TDRP: variants seen among roughly 807,000 people sequenced by gnomAD.
TDRP encodes the protein testis development-related protein.
A neutral mutation model predicts 10.5 loss-of-function variants in TDRP; 12 were observed. The ratio of observed to expected loss-of-function variants is 1.15; its 90% CI spans 0.73 to 1.86. The LOEUF is 1.86. TDRP is among the 40% of genes most tolerant of loss of function. TDRP has a pLI of 0.00. For synonymous variants in TDRP, 139 were observed against 95.4 expected, an observed-to-expected ratio of 1.46 and a Z score of -2.67; for missense variants, 353 against 229.2, an observed-to-expected ratio of 1.54 and a Z score of -3.49.
intron 1 of TDRP, among the ~76,000 whole-genome samples, chr8:519,300 C>G (rs938708741): frequency 6.6e-6 from 1 of 152,082 alleles, no homozygotes; most frequent in African/African-American, 2.4e-5. Context: ...GCTGTTCCTC[C>G]GCTGTATCCT....
At chr8:533,357 A>ACT (rs1295288152) in intron 1 of TDRP, among the ~76,000 whole-genome samples, 1 of 152,138 alleles carries the variant, frequency 6.6e-6, no homozygotes, top group African/African-American at 2.4e-5. Flanking sequence ...GTTCCTTGCG[A>ACT]CTGTCAGGGC....
intron 1 of TDRP, among the ~76,000 whole-genome samples, chr8:517,529 G>C (rs1362597936): frequency 6.6e-6 from 1 of 152,156 alleles, no homozygotes; most frequent in African/African-American, 2.4e-5. Context: ...TCTGACTTCA[G>C]GCAGAGCTTA....
At chr8:515,402 T>A (rs1311696032) in intron 1 of TDRP, among the ~76,000 whole-genome samples, 1 of 152,242 alleles carries the variant, frequency 6.6e-6, no homozygotes, top group Non-Finnish European at 1.5e-5. Flanking sequence ...TCTGAGATGC[T>A]TGGAACCAGA....
At chr8:521,396 A>AAG (rs35450526) in intron 1 of TDRP, among the ~76,000 whole-genome samples, 84,494 of 151,036 alleles carry the variant, frequency 0.56, 24,648 homozygotes, top group Admixed American at 0.65. Context: ...CAGCCTGGGC[A>AAG]AGAGAGAGAG....
chr8:544,157 G>A (rs1219992699), intron 1 of TDRP, among the ~76,000 whole-genome samples: 2 of 152,088 alleles, frequency 1.3e-5, no homozygotes, highest in African/African-American at 2.4e-5. Flanking sequence ...ATTGAGCTAC[G>A]GTCGTCCAAA....
chr8:541,252 G>T (rs1484428185), intron 1 of TDRP, among the ~76,000 whole-genome samples: 4 of 152,216 alleles, frequency 2.6e-5, no homozygotes, highest in African/African-American at 9.6e-5. Context: ...TTTTTATATA[G>T]CAATGTTTTT....
intron 1 of TDRP, among the ~76,000 whole-genome samples, chr8:497,598 T>G (rs1041952198): frequency 6.6e-6 from 1 of 152,198 alleles, no homozygotes; most frequent in South Asian, 2.1e-4. Context: ...CTGCAAATGG[T>G]AGAAAAGAAA....
upstream of TDRP, chr8:544,967 C>G: frequency 5.9e-6 from 2 of 341,474 alleles, no homozygotes; most frequent in Non-Finnish European, 1.0e-5. Flanking sequence ...GGCCCGCCCC[C>G]AAACCATCCC....
chr8:520,803 T>A (rs774786419), intron 1 of TDRP, among the ~76,000 whole-genome samples: 2 of 152,246 alleles, frequency 1.3e-5, no homozygotes, highest in African/African-American at 2.4e-5. Context: ...TTGTTGTTGT[T>A]TGGTCATAGG....
At chr8:494,798 G>C (rs756696729) in intron 1 of TDRP, among the ~76,000 whole-genome samples, 1 of 152,198 alleles carries the variant, frequency 6.6e-6, no homozygotes, top group African/African-American at 2.4e-5. Flanking sequence ...GGTCCTAACA[G>C]CTTAACAGCT....
At chr8:510,645 C>G (rs937820450) in intron 1 of TDRP, among the ~76,000 whole-genome samples, 1 of 152,214 alleles carries the variant, frequency 6.6e-6, no homozygotes, top group Non-Finnish European at 1.5e-5. Context: ...CAAAGACCAT[C>G]TTTCAAAAAT....
chr8:512,009 A>C (rs1159522591), intron 1 of TDRP, among the ~76,000 whole-genome samples: 1 of 152,208 alleles, frequency 6.6e-6, no homozygotes, highest in Admixed American at 6.6e-5. Flanking sequence ...GCAGTGGAAA[A>C]AGAGCAAACT....
At chr8:524,720 T>A (rs1185425467) in intron 1 of TDRP, among the ~76,000 whole-genome samples, 2 of 152,142 alleles carry the variant, frequency 1.3e-5, no homozygotes, top group Non-Finnish European at 2.9e-5. Context: ...GAAGAAAGAA[T>A]TAGTGATCTT....
intron 1 of TDRP, among the ~76,000 whole-genome samples, chr8:517,391 A>ATCT (rs1468601918): frequency 6.6e-6 from 1 of 152,224 alleles, no homozygotes; most frequent in African/African-American, 2.4e-5. Context: ...TAAACGAAGC[A>ATCT]TCTGACACCG....
At position 491,476 on chromosome 8, in the gene TDRP, T is replaced by G; in HGVS notation, c.*923A>C. On this transcript the variant is annotated 3_prime_UTR_variant, in exon 3 of 3. Coordinates refer to ENST00000324079, the MANE Select transcript of TDRP (RefSeq NM_001384899.1). ...TCAAACCGGTCGTCGATTATTCTTG[T>G]GGAAAAAACACAGCTTCTTACAGAT... 1 of 810,034 alleles carries G rather than the reference T, an allele frequency of 1.2e-6. No homozygotes were observed. The highest frequency in any genetic ancestry group is 2.8e-5 in the South Asian group (1 of 36,034). 50.2% of individuals were successfully genotyped at this position (810,034 alleles called of 1,614,324 possible).
At chr8:507,041 G>A (rs912718493) in intron 1 of TDRP, among the ~76,000 whole-genome samples, 4 of 152,156 alleles carry the variant, frequency 2.6e-5, no homozygotes, top group Admixed American at 2.0e-4. Context: ...GAAGCTTTGG[G>A]AAACTTACAA....
chr8:540,864 G>A (rs11996757), intron 1 of TDRP, among the ~76,000 whole-genome samples: 111,232 of 150,460 alleles, frequency 0.74, 41,333 homozygotes, highest in Admixed American at 0.79. Context: ...GCAACAGGAC[G>A]GATATGATTG....
At chr8:494,016 GAC>G (rs1563114967) in intron 2 of TDRP, among the ~76,000 whole-genome samples, 2 of 72,636 alleles carry the variant, frequency 2.8e-5, no homozygotes, top group African/African-American at 1.1e-4. Flanking sequence ...TTTTTTTTGA[GAC>G]AGAGTCTTGC....
At chr8:531,344 C>G (rs1393287585) in intron 1 of TDRP, among the ~76,000 whole-genome samples, 5 of 152,188 alleles carry the variant, frequency 3.3e-5, no homozygotes, top group South Asian at 2.1e-4. Flanking sequence ...CACCATTGTG[C>G]TGACATCAGA....
Sources: gnomAD v4.1 joint callset for allele counts (sites outside exome capture counted in the v4.1 genomes callset) on GRCh38, gnomAD v4.1.1 for gene constraint, MANE v1.5 for transcripts, NCBI Gene and HGNC (gene_info 2026-07-23, HGNC 2026-07-21) for gene names.